Variants in MAD1L1 observed in about 807,000 individuals in gnomAD.
The protein encoded by MAD1L1 is mitotic arrest deficient 1 like 1, also known as mitotic spindle assembly checkpoint protein MAD1.
In MAD1L1, 95 loss-of-function variants were observed where a neutral mutation model predicts 96.9. That is an observed-to-expected ratio of 0.98 (90% confidence interval 0.83 to 1.16). The LOEUF (loss-of-function observed/expected upper bound fraction) is 1.16, where lower values mean the gene tolerates loss of function less well. Among genes scored for constraint, MAD1L1 ranks in the 50% most tolerant of loss-of-function variants. The probability of loss-of-function intolerance (pLI) is 0.00; values close to 1 mark genes in which losing one functional copy is unlikely to be tolerated. For missense variants in MAD1L1, 1,007 were observed against 954.4 expected, an observed-to-expected ratio of 1.06 and a Z score of -0.73; for synonymous variants, 473 against 396.6, an observed-to-expected ratio of 1.19 and a Z score of -2.29.
At chr7:1,897,698 G>A (rs1443410361) in intron 18 of MAD1L1, among the ~76,000 whole-genome samples, 3 of 152,226 alleles carry the variant, frequency 2.0e-5, no homozygotes, top group Admixed American at 6.5e-5. Flanking sequence ...CTGCTGGCTC[G>A]CAGGACGCGA....
At chr7:1,988,079 G>A (rs372670876) in intron 14 of MAD1L1, among the ~76,000 whole-genome samples, 16 of 152,350 alleles carry the variant, frequency 1.1e-4, no homozygotes, top group East Asian at 5.8e-4. Context: ...CAGGAGGCCC[G>A]TGAGGGAGGG....
chr7:2,226,864 C>T (rs527902418), intron 3 of MAD1L1, among the ~76,000 whole-genome samples: 2 of 151,854 alleles, frequency 1.3e-5, no homozygotes, highest in Admixed American at 6.6e-5. Flanking sequence ...GTGGTACGCA[C>T]CTGTAACCCC....
chr7:1,822,030 G>T (rs1473354657), intron 18 of MAD1L1, among the ~76,000 whole-genome samples: 2 of 152,072 alleles, frequency 1.3e-5, no homozygotes, highest in Admixed American at 1.3e-4. Context: ...TAAGCAATCT[G>T]CAGAAAACTC....
chr7:2,171,378 G>A (rs1232556753), intron 10 of MAD1L1, among the ~76,000 whole-genome samples: 4 of 152,206 alleles, frequency 2.6e-5, no homozygotes, highest in African/African-American at 9.7e-5. Context: ...ATGCACACAC[G>A]TGCACACATG....
At chr7:1,992,926 GC>G (rs1445411009) in intron 14 of MAD1L1, among the ~76,000 whole-genome samples, 1 of 152,128 alleles carries the variant, frequency 6.6e-6, no homozygotes. Context: ...AAAAGCTTAA[GC>G]CAGAAAGGGC....
At chr7:2,179,296 G>T (rs528067498) in intron 10 of MAD1L1, among the ~76,000 whole-genome samples, 1 of 151,428 alleles carries the variant, frequency 6.6e-6, no homozygotes, top group Non-Finnish European at 1.5e-5. Flanking sequence ...TTGGGAGGCC[G>T]AGGCACATGG....
chr7:2,167,552 A>AAATAATAAT (rs143994964), intron 10 of MAD1L1, among the ~76,000 whole-genome samples: 18 of 150,592 alleles, frequency 1.2e-4, no homozygotes, highest in African/African-American at 3.9e-4. Flanking sequence ...CCGTCTCAAA[A>AAATAATAAT]AATAATAATA....
At chr7:2,185,794 A>C (rs1791432316) in intron 10 of MAD1L1, among the ~76,000 whole-genome samples, 1 of 152,218 alleles carries the variant, frequency 6.6e-6, no homozygotes, top group Non-Finnish European at 1.5e-5. Context: ...ACAGGCGAGA[A>C]TGCGTCCTCT....
chr7:1,918,974 T>C (rs1440367955), intron 17 of MAD1L1, among the ~76,000 whole-genome samples: 1 of 151,814 alleles, frequency 6.6e-6, no homozygotes, highest in Non-Finnish European at 1.5e-5. Context: ...GTCCTGTCTC[T>C]GGGTCACCCC....
intron 5 of MAD1L1, among the ~76,000 whole-genome samples, chr7:2,219,682 G>C (rs1793491249): frequency 7.1e-6 from 1 of 140,206 alleles, no homozygotes; most frequent in Non-Finnish European, 1.6e-5. Flanking sequence ...GGGGCAGAGG[G>C]CAGGGGGAAG....
At chr7:2,046,858 G>A (rs1001242869) in intron 12 of MAD1L1, among the ~76,000 whole-genome samples, 3 of 152,148 alleles carry the variant, frequency 2.0e-5, no homozygotes, top group South Asian at 4.1e-4. Context: ...GAGGAGCAGC[G>A]CTCCCTGTGC....
At chr7:1,896,466 G>A (rs1284101978) in intron 18 of MAD1L1, among the ~76,000 whole-genome samples, 1 of 152,200 alleles carries the variant, frequency 6.6e-6, no homozygotes, top group South Asian at 2.1e-4. Context: ...GCCCATGCAG[G>A]GCTTACAGTG....
At chr7:2,166,291 C>A (rs1262780037) in intron 10 of MAD1L1, among the ~76,000 whole-genome samples, 5 of 152,138 alleles carry the variant, frequency 3.3e-5, no homozygotes, top group Admixed American at 2.6e-4. Flanking sequence ...TACAAGGGTC[C>A]CCAGACACAT....
intron 10 of MAD1L1, among the ~76,000 whole-genome samples, chr7:2,196,087 G>C (rs917278477): frequency 1.3e-5 from 2 of 152,242 alleles, no homozygotes; most frequent in South Asian, 2.1e-4. Context: ...CCATACTCCA[G>C]GATCAGCCAA....
intron 15 of MAD1L1, among the ~76,000 whole-genome samples, chr7:1,959,166 C>T (rs1447280680): frequency 2.6e-5 from 4 of 152,158 alleles, no homozygotes; most frequent in Non-Finnish European, 4.4e-5. Flanking sequence ...GCATAAGAAT[C>T]GCTTGAACCC....
intron 14 of MAD1L1, among the ~76,000 whole-genome samples, chr7:1,994,949 G>A (rs1226897795): frequency 6.6e-6 from 1 of 152,216 alleles, no homozygotes; most frequent in African/African-American, 2.4e-5. Flanking sequence ...CAAAGTGCTG[G>A]GATTACAGGC....
intron 18 of MAD1L1, among the ~76,000 whole-genome samples, chr7:1,842,177 C>T (rs4719311): frequency 0.36 from 54,704 of 151,960 alleles, 10,285 homozygotes; most frequent in Admixed American, 0.51. Context: ...TTGACACTAA[C>T]TACTCACAAA....
At chr7:2,222,416 G>A (rs1039372838) in intron 5 of MAD1L1, among the ~76,000 whole-genome samples, 159 bp downstream of exon 5, 4 of 152,196 alleles carry the variant, frequency 2.6e-5, no homozygotes, top group African/African-American at 9.6e-5. Flanking sequence ...CTACAGAATG[G>A]AAAATTAATA....
intron 15 of MAD1L1, among the ~76,000 whole-genome samples, chr7:1,965,183 G>A (rs1283433768): frequency 6.6e-6 from 1 of 152,208 alleles, no homozygotes; most frequent in African/African-American, 2.4e-5. Context: ...GGCGAGTGGG[G>A]TACGTAGGAC....
Sources: allele counts gnomAD v4.1 joint callset (sites outside exome capture counted in the v4.1 genomes callset), GRCh38; gene constraint gnomAD v4.1.1; transcripts MANE v1.5; gene names NCBI Gene and HGNC (gene_info 2026-07-23, HGNC 2026-07-21).